The following IGDCC4 variants were observed in gnomAD, a reference collection of about 807,000 sequenced individuals.
The protein encoded by IGDCC4 is immunoglobulin superfamily DCC subclass member 4.
Under a neutral mutation model 116.6 loss-of-function variants are expected in IGDCC4, and 72 were observed. The ratio of observed to expected loss-of-function variants is 0.62; its 90% confidence interval spans 0.51 to 0.75. The LOEUF (loss-of-function observed/expected upper bound fraction) is 0.75. Among genes scored for constraint, IGDCC4 ranks in the 30% least tolerant of loss-of-function variants. IGDCC4 has a pLI of 0.00. For synonymous variants in IGDCC4, 709 were observed against 719.9 expected (o/e 0.98, Z 0.24); for missense variants, 1,501 against 1,662.4 (o/e 0.90, Z 1.69).
chr15:65,405,125 T>G, intron 3 of IGDCC4, among the ~76,000 whole-genome samples: 2 of 107,330 alleles, frequency 1.9e-5, no homozygotes, highest in South Asian at 3.4e-4. Flanking sequence ...AATATATTAG[T>G]TAGTGGGGGG....
Position 65,395,963 on chromosome 15 carries a change from C to G in IGDCC4, c.1198G>C (p.Ala400Pro). Reference protein sequence around the residue: ...LVITQIGLQDAGYYQCVAENS... With the variant: ...LVITQIGLQDPGYYQCVAENS... ...TCAGCCACGCACTGGTAGTAGCCGG[C>G]GTCCTGCAGGCCGATCTGTGTGATG... is the stretch of plus-strand genomic sequence containing the variant. The change falls in exon 7 of 20, where the codon GCC (alanine) becomes CCC (proline). Residue 400 changes from alanine (A) to proline (P), a missense_variant. By Grantham distance (27) the Ala-to-Pro change is conservative. Transcript: ENST00000352385. The G allele has an allele frequency of 6.3e-7, 1 of 1,583,796 alleles. No homozygotes were observed. Among genetic ancestry groups the G allele is most frequent in the South Asian group, 1.1e-5 (1 of 88,290 alleles).
chr15:65,402,965 G>C (rs970220884), intron 3 of IGDCC4, among the ~76,000 whole-genome samples: 1 of 152,186 alleles, frequency 6.6e-6, no homozygotes, highest in Non-Finnish European at 1.5e-5. Flanking sequence ...GGGAATGGAG[G>C]AAGGCACTCC....
At position 65,384,323 on chromosome 15, in the gene IGDCC4, C is replaced by G; in HGVS notation, c.3439G>C (p.Asp1147His). The G allele has an allele frequency of 6.2e-7, 1 of 1,605,292 alleles. No homozygotes were observed. The highest frequency in any genetic ancestry group is 2.2e-5 in the East Asian group (1 of 44,788). The change falls in exon 20 of 20, where the codon GAC becomes CAC. Residue 1147 changes from aspartate (D) to histidine (H), a missense_variant. By Grantham distance (81) the Asp-to-His change is moderately conservative. Transcript: ENST00000352385. The surrounding 1 kb of genome is among the most constrained non-coding windows in gnomAD (Gnocchi z 4.9). ...SDFSASNGNP[D>H]LHLQDLEPED... is the part of the protein sequence containing the mutation. ...GGCTCCAGGTCTTGGAGATGGAGGTCAGGGTTCCCGTTAGATGCACTAAAG... is the reference window on the plus strand; with the variant it reads ...GGCTCCAGGTCTTGGAGATGGAGGTGAGGGTTCCCGTTAGATGCACTAAAG...
At chr15:65,414,002 A>C (rs2063121313) in intron 1 of IGDCC4, among the ~76,000 whole-genome samples, 1 of 152,230 alleles carries the variant, frequency 6.6e-6, no homozygotes, top group African/African-American at 2.4e-5. Flanking sequence ...ATAAAACACC[A>C]TTGAGACCAC....
rs548433456 is a variant in IGDCC4 at position 65,395,928 on chromosome 15, C to G, written c.1233G>C (p.Ala411=). 1.2e-4 allele frequency: 191 copies of G among 1,591,836 alleles called. No individual in the cohort carries two copies. Among genetic ancestry groups the G allele is most frequent in the Admixed American group, 1.1e-3 (66 of 59,410 alleles). Residue 411 remains alanine (A), a synonymous_variant, in exon 7 of 20, where the codon GCG becomes GCC. Transcript: ENST00000352385. The part of the protein sequence containing the change: ...GYYQCVAENS[A]GMACAAASLA... ...GCGACGCGGCAGCGCACGCCATTCC[C>G]GCGCTGTTCTCAGCCACGCACTGGT...
intron 1 of IGDCC4, among the ~76,000 whole-genome samples, chr15:65,418,914 T>C (rs1192091251): frequency 1.3e-5 from 2 of 152,154 alleles, no homozygotes; most frequent in East Asian, 3.9e-4. Context: ...TCAGAAGGTA[T>C]AGAGGAGTGC....
intron 5 of IGDCC4, among the ~76,000 whole-genome samples, chr15:65,398,596 A>T (rs2062951031): frequency 6.7e-6 from 1 of 148,546 alleles, no homozygotes; most frequent in South Asian, 2.2e-4. Flanking sequence ...AAAACAAAAC[A>T]GGCCGGGAGC....
chr15:65,407,817 G>A (rs1263069065), intron 3 of IGDCC4, among the ~76,000 whole-genome samples: 4 of 137,014 alleles, frequency 2.9e-5, no homozygotes. Context: ...TTTTTTTTTA[G>A]TAGAGATAGG....
At chr15:65,407,928 C>T (rs1328861374) in intron 3 of IGDCC4, among the ~76,000 whole-genome samples, 1 of 152,016 alleles carries the variant, frequency 6.6e-6, no homozygotes, top group Non-Finnish European at 1.5e-5. Flanking sequence ...GCCACCGCGC[C>T]CGGCCTAAGT....
Position 65,388,812 on chromosome 15 carries a change from C to T in IGDCC4, c.2703G>A (p.Thr901=), listed in dbSNP as rs771231127. Residue 901 remains threonine (T), a synonymous_variant, in exon 15 of 20, where the codon ACG becomes ACA. Transcript: ENST00000352385. ...QPEHQWTLLT[T]QGNIFSAEVH... ...CCCTGGGGCAGGAGCCCTCACCCTG[C>T]GTGGTGAGCAAGGTCCACTGGTGCT... 1.6e-5 allele frequency: 26 copies of T among 1,613,838 alleles called. No homozygotes were observed. Among genetic ancestry groups the T allele is most frequent in the East Asian group, 6.7e-5 (3 of 44,882 alleles).
Position 65,385,986 on chromosome 15 carries a change from G to T in IGDCC4, c.3025C>A (p.Pro1009Thr), listed in dbSNP as rs200433662. 1.9e-5 allele frequency: 31 copies of T among 1,598,496 alleles called. No homozygotes were observed. Among genetic ancestry groups the T allele is most frequent in the African/African-American group, 1.3e-4 (10 of 74,104 alleles). The change falls in exon 18 of 20, where the codon CCC (proline) becomes ACC (threonine). Residue 1009 changes from proline (P) to threonine (T), a missense_variant. By Grantham distance (38) the Pro-to-Thr change is conservative. This residue lies in a region of IGDCC4 where 368 missense variants were observed against 355.6 expected (regional missense o/e 1.03). Transcript: ENST00000352385. ...PALYSRARLG[P>T]PSPPAAHELE... is the part of the protein sequence containing the mutation. ...TCATGGGCAGCTGGGGGGCTGGGGG[G>T]GCCAAGCCGAGCTCTGGAGTACAGC...
chr15:65,384,398 G>T lies in IGDCC4; in HGVS notation c.3364C>A (p.Pro1122Thr), dbSNP rs974124243. 1.1e-5 allele frequency: 17 copies of T among 1,518,850 alleles called. No homozygotes were observed. In the Middle Eastern group the frequency reaches 5.3e-4, roughly 47 times the overall value. The allele number at this position is 1,518,850 out of a possible 1,614,324, so 94.1% of individuals were successfully genotyped here. The part of the protein sequence containing the change: ...AIKGNGRKKS[P>T]PACRNQVEAE... ...TCCACCTGGTTCCTGCAGGCTGGGG[G>T]TGACTTCTTCCTCCCATTGCCCTGA... The change falls in exon 20 of 20, where the codon CCC (proline) becomes ACC (threonine). Residue 1122 changes from proline (P) to threonine (T), a missense_variant. By Grantham distance (38) the Pro-to-Thr change is conservative (BLOSUM62 -1). Coordinates refer to ENST00000352385, the MANE Select transcript of IGDCC4 (RefSeq NM_020962.3). This position sits in a 1 kb window ranked among gnomAD's most constrained non-coding sequence, Gnocchi z 4.9.
rs201851538 is a variant in IGDCC4, at chr15:65,410,302, G to A, written c.439C>T (p.Leu147=). 8 of 1,614,066 alleles carry A rather than the reference G, an allele frequency of 5.0e-6. No homozygotes were observed. In the African/African-American group the frequency reaches 8.0e-5, roughly 16 times the overall value. The change falls in exon 3 of 20, where the codon CTG becomes TTG. Residue 147 remains leucine (L), a synonymous_variant. Coordinates refer to ENST00000352385, the MANE Select transcript of IGDCC4 (RefSeq NM_020962.3). ...VKLATLADFS[L]HPESQTVEEN... ...TCCACCGTCTGAGACTCCGGGTGCA[G>A]AGAGAAGTCTGCGAGTGCTGGGGAC...
At chr15:65,402,180 T>C (rs1182803451) in intron 4 of IGDCC4, among the ~76,000 whole-genome samples, 171 bp downstream of exon 4, 1 of 152,200 alleles carries the variant, frequency 6.6e-6, no homozygotes, top group East Asian at 1.9e-4. Context: ...CTTTCTTCTC[T>C]GGTTTGCTGG....
rs1285007489 is a variant in IGDCC4 at position 65,422,910 on chromosome 15, G to GGCC, written c.-51_-49dup. The GGCC allele has an allele frequency of 1.9e-4, 187 of 985,314 alleles. No individual in the cohort carries two copies. Among genetic ancestry groups the GGCC allele is most frequent in the Middle Eastern group, 1.6e-3 (3 of 1,922 alleles). The allele number at this position is 985,314 out of a possible 1,614,324, so 61.0% of individuals were successfully genotyped here. On this transcript the variant is annotated 5_prime_UTR_variant, in exon 1 of 20. Coordinates refer to ENST00000352385, the MANE Select transcript of IGDCC4 (RefSeq NM_020962.3). ...CGCCGCCGCCGCCTCCCCGTGCTTC[G>GGCC]GCCGCCGCCGCGGGGGGAGAGCGCG...
chr15:65,392,213 C>T lies in IGDCC4; in HGVS notation c.2043G>A (p.Gly681=). 6 of 1,613,930 alleles carry T rather than the reference C, an allele frequency of 3.7e-6. No individual in the cohort carries two copies. Among genetic ancestry groups the T allele is most frequent in the Non-Finnish European group, 5.1e-6 (6 of 1,179,934 alleles). ...CATCCCAAGCCTGGTCTCCACGGCC[C>T]CCTGGCAGGCGATCGCCATTGGCCT... The part of the protein sequence containing the change: ...EEEANGDRLP[G]GRGDQAWDVG... Residue 681 remains glycine, a synonymous_variant, in exon 11 of 20, where the codon GGG becomes GGA. Coordinates refer to ENST00000352385, the MANE Select transcript of IGDCC4 (RefSeq NM_020962.3).
intron 1 of IGDCC4, among the ~76,000 whole-genome samples, chr15:65,414,988 G>C (rs1238431566): frequency 6.6e-6 from 1 of 152,196 alleles, no homozygotes; most frequent in Non-Finnish European, 1.5e-5. Context: ...TACCATGCCC[G>C]GCGGGGAGCT....
intron 1 of IGDCC4, among the ~76,000 whole-genome samples, chr15:65,421,683 C>G (rs1194836681): frequency 6.6e-6 from 1 of 151,566 alleles, no homozygotes; most frequent in East Asian, 1.9e-4. Context: ...TCCCCACCCC[C>G]ACCTCCAAGT....
At position 65,409,254 on chromosome 15, in the gene IGDCC4, G is replaced by A. The variant is rs554002628; in HGVS notation, c.563+924C>T. Among the ~76,000 whole-genome samples, 6 of 152,264 alleles carry A rather than the reference G, an allele frequency of 3.9e-5. No homozygotes were observed. The South Asian group carries it at 1.2e-3, about 32-fold the overall frequency. On this transcript the variant is annotated intron_variant, in intron 3 of 19. Coordinates refer to ENST00000352385, the MANE Select transcript of IGDCC4 (RefSeq NM_020962.3). ...TACCTACACATGGGCAAAAGTCAGA[G>A]GAGCTGGGACAATGCAACACAGGCA...
Sources: gnomAD v4.1 joint callset for allele counts (sites outside exome capture counted in the v4.1 genomes callset) on GRCh38, gnomAD v4.1.1 for gene constraint, gnomAD v4.1.1 regional missense constraint, Gnocchi (gnomAD v3.1) non-coding constraint, MANE v1.5 for transcripts, NCBI Gene and HGNC (gene_info 2026-07-23, HGNC 2026-07-21) for gene names.